Variants in ERBB4 observed in about 807,000 individuals in gnomAD.
ERBB4 encodes receptor tyrosine-protein kinase erbB-4.
A neutral mutation model predicts 158.0 loss-of-function variants in ERBB4; 42 were observed. The ratio of observed to expected loss-of-function variants is 0.27; its 90% CI spans 0.21 to 0.34. The LOEUF is 0.34. ERBB4 is among the 10% of genes least tolerant of loss of function. The probability of loss-of-function intolerance (pLI) is 1.00; values close to 1 mark genes in which losing one functional copy is unlikely to be tolerated. For synonymous variants in ERBB4, 583 were observed against 558.7 expected (o/e 1.04, Z -0.61); for missense variants, 1,333 against 1,624.1 (o/e 0.82, Z 3.08).
chr2:212,174,759 T>G (rs764542781), intron 1 of ERBB4, among the ~76,000 whole-genome samples: 2 of 152,038 alleles, frequency 1.3e-5, no homozygotes, highest in Admixed American at 6.6e-5. Flanking sequence ...TTTTTTCTTA[T>G]CTTGGATGGG....
intron 1 of ERBB4, among the ~76,000 whole-genome samples, chr2:212,406,802 G>C (rs1228798562): frequency 6.6e-6 from 1 of 151,952 alleles, no homozygotes; most frequent in Non-Finnish European, 1.5e-5. Flanking sequence ...TTACCATCAA[G>C]AAAAAGCCCA....
intron 1 of ERBB4, among the ~76,000 whole-genome samples, chr2:212,302,904 T>G (rs2086672020): frequency 1.3e-5 from 2 of 151,072 alleles, no homozygotes; most frequent in Admixed American, 6.6e-5. Flanking sequence ...TCCCAACAAG[T>G]AATAGAGGAG....
At chr2:211,893,417 G>C (rs1297891696) in intron 3 of ERBB4, among the ~76,000 whole-genome samples, 1 of 141,342 alleles carries the variant, frequency 7.1e-6, no homozygotes. Context: ...ATTCAAGATG[G>C]ATTAAAGATT....
intron 3 of ERBB4, among the ~76,000 whole-genome samples, chr2:211,828,563 T>G (rs886097877): frequency 7.1e-6 from 1 of 141,568 alleles, no homozygotes; most frequent in Non-Finnish European, 1.6e-5. Flanking sequence ...AAGATGATTA[T>G]TTTTACATTT....
intron 15 of ERBB4, among the ~76,000 whole-genome samples, chr2:211,663,149 A>G (rs1367223511): frequency 6.6e-6 from 1 of 152,228 alleles, no homozygotes. Flanking sequence ...TTGAACTGCA[A>G]TAGAATTTAT....
intron 2 of ERBB4, among the ~76,000 whole-genome samples, chr2:211,977,474 CT>C (rs1174436695): frequency 7.1e-6 from 1 of 140,996 alleles, no homozygotes; most frequent in African/African-American, 2.6e-5. Context: ...CTCAGAGTGC[CT>C]TTTTTCCCTC....
At chr2:211,959,265 G>T (rs770929005) in intron 2 of ERBB4, among the ~76,000 whole-genome samples, 2 of 151,974 alleles carry the variant, frequency 1.3e-5, no homozygotes, top group Non-Finnish European at 2.9e-5. Context: ...TTAATCTTAC[G>T]GTGGTTACTT....
chr2:211,752,840 A>G (rs2075173992), intron 4 of ERBB4, among the ~76,000 whole-genome samples: 2 of 152,158 alleles, frequency 1.3e-5, no homozygotes, highest in Admixed American at 6.5e-5. Flanking sequence ...AAATAATTTA[A>G]CCTTGACTGT....
At chr2:211,904,675 ATAATT>A (rs1182127909) in intron 3 of ERBB4, among the ~76,000 whole-genome samples, 1 of 152,148 alleles carries the variant, frequency 6.6e-6, no homozygotes, top group African/African-American at 2.4e-5. Context: ...AAGCAAAATT[ATAATT>A]TATTTTATCA....
intron 2 of ERBB4, among the ~76,000 whole-genome samples, chr2:211,994,978 C>G (rs1297126880): frequency 6.6e-6 from 1 of 152,168 alleles, no homozygotes; most frequent in South Asian, 2.1e-4. Context: ...TGGGAATTCT[C>G]TGATGTGGGT....
At chr2:212,177,190 T>TA (rs2081695191) in intron 1 of ERBB4, among the ~76,000 whole-genome samples, 4 of 151,716 alleles carry the variant, frequency 2.6e-5, no homozygotes, top group Admixed American at 2.0e-4. Context: ...TTTTGTAAGG[T>TA]AAAAAAATGT....
chr2:211,625,205 A>T (rs1263130349), intron 17 of ERBB4, among the ~76,000 whole-genome samples: 2 of 152,208 alleles, frequency 1.3e-5, no homozygotes, highest in Non-Finnish European at 2.9e-5. Flanking sequence ...GTCTTTTAAA[A>T]GTTAAATTAA....
intron 1 of ERBB4, among the ~76,000 whole-genome samples, chr2:212,187,179 A>C (rs983151871): frequency 5.3e-5 from 8 of 152,122 alleles, no homozygotes; most frequent in African/African-American, 1.9e-4. Flanking sequence ...AAAATGCAGA[A>C]TCACAATACT....
intron 20 of ERBB4, among the ~76,000 whole-genome samples, chr2:211,480,837 A>G (rs1297396137): frequency 6.6e-6 from 1 of 152,216 alleles, no homozygotes; most frequent in Admixed American, 6.5e-5. Context: ...CCATGGCACT[A>G]CAAGGTAACA....
intron 4 of ERBB4, among the ~76,000 whole-genome samples, chr2:211,773,647 T>A (rs908129727): frequency 4.9e-4 from 38 of 77,434 alleles, no homozygotes; most frequent in East Asian, 6.1e-4. Flanking sequence ...TATATATATA[T>A]AATATATATA....
chr2:211,925,919 A>C lies in ERBB4; in HGVS notation c.421+21511T>G, dbSNP rs147602573. 5.9e-4 allele frequency among the ~76,000 whole-genome samples: 90 copies of C among 152,120 alleles called. 1 individual carries two copies. The East Asian group carries it at 0.016, about 28-fold the overall frequency. ...ACATAATATTCTGTATTTAACCTTA[A>C]CTCTACTCCCTTGCCCCAATTAAGT... On this transcript the variant is annotated intron_variant, in intron 3 of 27. Coordinates refer to ENST00000342788, the MANE Select transcript of ERBB4 (RefSeq NM_005235.3).
At chr2:211,760,485 T>G (rs996275720) in intron 4 of ERBB4, among the ~76,000 whole-genome samples, 1 of 152,226 alleles carries the variant, frequency 6.6e-6, no homozygotes, top group Non-Finnish European at 1.5e-5. Flanking sequence ...AACAATAAGC[T>G]GAAATTAAAG....
intron 19 of ERBB4, among the ~76,000 whole-genome samples, chr2:211,580,866 C>CATATAT (rs56892079): frequency 8.0e-4 from 51 of 64,122 alleles, no homozygotes; most frequent in Non-Finnish European, 1.1e-3. Flanking sequence ...TATGCATATA[C>CATATAT]ATATATATAT....
chr2:212,211,617 T>TA (rs766982489), intron 1 of ERBB4, among the ~76,000 whole-genome samples: 30,094 of 95,060 alleles, frequency 0.32, 3,298 homozygotes, highest in African/African-American at 0.34. Context: ...AAAATTTATC[T>TA]AAAAAAAAAA....
Sources: gnomAD v4.1 joint callset for allele counts (sites outside exome capture counted in the v4.1 genomes callset) on GRCh38, gnomAD v4.1.1 for gene constraint, MANE v1.5 for transcripts, NCBI Gene and HGNC (gene_info 2026-07-23, HGNC 2026-07-21) for gene names.